DLG2: variants seen among roughly 807,000 people sequenced by gnomAD.
DLG2 encodes the protein discs large MAGUK scaffold protein 2, also known as disks large homolog 2.
DLG2 carries 45 observed loss-of-function variants against 132.5 expected under a neutral mutation model. The ratio of observed to expected loss-of-function variants is 0.34; its 90% CI spans 0.27 to 0.44. The LOEUF (loss-of-function observed/expected upper bound fraction) is 0.44, where lower values mean the gene tolerates loss of function less well. Ranked by LOEUF, DLG2 falls within the 20% of genes least tolerant of loss-of-function variation. The pLI, the probability that DLG2 is intolerant of heterozygous loss-of-function variation, is 1.00. For missense variants in DLG2, 1,045 were observed against 1,196.9 expected, an observed-to-expected ratio of 0.87 and a Z score of 1.87; for synonymous variants, 424 against 419.6, an observed-to-expected ratio of 1.01 and a Z score of -0.13.
At chr11:83,605,731 C>T (rs1361978912) in intron 19 of DLG2, among the ~76,000 whole-genome samples, 1 of 152,192 alleles carries the variant, frequency 6.6e-6, no homozygotes, top group Non-Finnish European at 1.5e-5. Context: ...TTCTAAAGGA[C>T]TGCAAAAGCC....
chr11:84,169,207 T>C (rs2095753677), intron 8 of DLG2, among the ~76,000 whole-genome samples: 1 of 152,204 alleles, frequency 6.6e-6, no homozygotes, highest in South Asian at 2.1e-4. Context: ...TCTTAAGTGA[T>C]TAAAGAAATT....
chr11:84,174,036 T>TTTTTTTTTTC (rs1491130141), intron 8 of DLG2, among the ~76,000 whole-genome samples: 1 of 130,092 alleles, frequency 7.7e-6, no homozygotes, highest in African/African-American at 3.1e-5. Flanking sequence ...TTTTTTTTTT[T>TTTTTTTTTTC]CTGAGTAAAC....
intron 7 of DLG2, among the ~76,000 whole-genome samples, chr11:84,300,337 C>A (rs957463499): frequency 3.9e-5 from 6 of 152,048 alleles, no homozygotes; most frequent in Non-Finnish European, 8.8e-5. Flanking sequence ...TCAATTTAAT[C>A]TTGCTCACTT....
At chr11:84,387,405 C>A (rs1045522351) in intron 7 of DLG2, among the ~76,000 whole-genome samples, 17 of 151,772 alleles carry the variant, frequency 1.1e-4, no homozygotes, top group Admixed American at 1.1e-3. Flanking sequence ...TAATTATAAT[C>A]ATTATAATTA....
chr11:85,299,009 G>A (rs1313226373), intron 3 of DLG2, among the ~76,000 whole-genome samples: 1 of 152,112 alleles, frequency 6.6e-6, no homozygotes, highest in African/African-American at 2.4e-5. Flanking sequence ...CTAGGTCATA[G>A]AAGATGTAAA....
intron 16 of DLG2, among the ~76,000 whole-genome samples, chr11:83,861,658 T>A (rs1401209933): frequency 6.6e-6 from 1 of 151,962 alleles, no homozygotes. Context: ...ATTCGTGGAA[T>A]CTAAAATTCG....
intron 18 of DLG2, among the ~76,000 whole-genome samples, chr11:83,652,197 G>C (rs1028797605): frequency 2.6e-5 from 4 of 152,146 alleles, no homozygotes; most frequent in Admixed American, 1.3e-4. Context: ...ACAAAGCAGC[G>C]ACTGTAGATC....
intron 6 of DLG2, among the ~76,000 whole-genome samples, chr11:84,926,036 TA>T (rs1391837947): frequency 6.6e-6 from 1 of 152,118 alleles, no homozygotes; most frequent in Non-Finnish European, 1.5e-5. Flanking sequence ...GGAAACTATT[TA>T]CAACACATTC....
chr11:84,490,904 T>C (rs1206534569), intron 7 of DLG2, among the ~76,000 whole-genome samples: 1 of 151,872 alleles, frequency 6.6e-6, no homozygotes, highest in African/African-American at 2.4e-5. Context: ...TGTGTGTGTG[T>C]GTGTGCATAT....
chr11:84,924,043 C>T (rs900985529), intron 6 of DLG2, among the ~76,000 whole-genome samples: 3 of 151,762 alleles, frequency 2.0e-5, no homozygotes, highest in African/African-American at 7.3e-5. Flanking sequence ...CAGCAGGCTC[C>T]AGAAGGGAGA....
At chr11:84,727,696 C>T (rs1487796436) in intron 6 of DLG2, among the ~76,000 whole-genome samples, 1 of 152,058 alleles carries the variant, frequency 6.6e-6, no homozygotes, top group Admixed American at 6.5e-5. Context: ...GGCAGTATGG[C>T]CATTTTCCCA....
intron 6 of DLG2, among the ~76,000 whole-genome samples, chr11:84,727,146 G>C (rs985610262): frequency 6.6e-6 from 1 of 152,122 alleles, no homozygotes; most frequent in Non-Finnish European, 1.5e-5. Flanking sequence ...ATTGTTTTTG[G>C]TGTTTTAGAC....
intron 19 of DLG2, among the ~76,000 whole-genome samples, chr11:83,617,520 G>A (rs2061007746): frequency 6.6e-6 from 1 of 152,138 alleles, no homozygotes. Context: ...AATTATAGCA[G>A]TCTATCTAGT....
chr11:83,997,413 A>C (rs768014537), intron 11 of DLG2, among the ~76,000 whole-genome samples: 7 of 152,100 alleles, frequency 4.6e-5, no homozygotes, highest in Non-Finnish European at 8.8e-5. Flanking sequence ...GTCAGCCTTT[A>C]ACTTGGCCTG....
At chr11:83,780,454 C>T (rs1291251146) in intron 18 of DLG2, among the ~76,000 whole-genome samples, 4 of 152,174 alleles carry the variant, frequency 2.6e-5, no homozygotes, top group Non-Finnish European at 5.9e-5. Flanking sequence ...AGATTATTTA[C>T]ATGAGTTTCT....
chr11:84,092,167 T>A (rs2097103042), intron 10 of DLG2, among the ~76,000 whole-genome samples: 1 of 152,218 alleles, frequency 6.6e-6, no homozygotes, highest in Non-Finnish European at 1.5e-5. Flanking sequence ...AATCTGATCA[T>A]ATTCACAGGT....
chr11:83,751,523 G>C (rs2093310281), intron 18 of DLG2, among the ~76,000 whole-genome samples: 1 of 152,162 alleles, frequency 6.6e-6, no homozygotes, highest in Non-Finnish European at 1.5e-5. Flanking sequence ...CATTAACCCA[G>C]GTAATGAATG....
intron 6 of DLG2, among the ~76,000 whole-genome samples, chr11:84,780,071 G>A (rs2071438210): frequency 6.6e-6 from 1 of 151,826 alleles, no homozygotes; most frequent in Non-Finnish European, 1.5e-5. Flanking sequence ...AACGAGGCAA[G>A]GACACAACAA....
intron 7 of DLG2, among the ~76,000 whole-genome samples, chr11:84,403,734 G>A (rs1006734387): frequency 6.6e-6 from 1 of 151,978 alleles, no homozygotes; most frequent in African/African-American, 2.4e-5. Flanking sequence ...CATTTGATTC[G>A]GGTGTCTGTC....
Sources: allele counts gnomAD v4.1 joint callset (sites outside exome capture counted in the v4.1 genomes callset), GRCh38; gene constraint gnomAD v4.1.1; transcripts MANE v1.5; gene names NCBI Gene and HGNC (gene_info 2026-07-23, HGNC 2026-07-21).